Variants in DAPK2 observed in about 807,000 individuals in gnomAD.
DAPK2 encodes death-associated protein kinase 2.
In DAPK2, 35 loss-of-function variants were observed where a neutral mutation model predicts 44.1. The observed-to-expected ratio is 0.79, with a 90% CI of 0.61 to 1.05. DAPK2 has a LOEUF of 1.05. Among genes scored for constraint, DAPK2 ranks in the 50% least tolerant of loss-of-function variants. DAPK2 has a pLI of 0.00. For synonymous variants in DAPK2, 174 were observed against 182.6 expected, an observed-to-expected ratio of 0.95 and a Z score of 0.38; for missense variants, 453 against 483.2, an observed-to-expected ratio of 0.94 and a Z score of 0.59.
chr15:63,978,401 C>T (rs2078413709), intron 2 of DAPK2, among the ~76,000 whole-genome samples: 1 of 152,186 alleles, frequency 6.6e-6, no homozygotes, highest in Non-Finnish European at 1.5e-5. Flanking sequence ...TTAGCATTCC[C>T]AAAAGCCACT....
intron 1 of DAPK2, among the ~76,000 whole-genome samples, chr15:64,018,527 A>G (rs997043251): frequency 8.5e-5 from 13 of 152,154 alleles, no homozygotes; most frequent in African/African-American, 3.1e-4. Flanking sequence ...CTCCCCCATC[A>G]CATAGGCAGC....
intron 3 of DAPK2, among the ~76,000 whole-genome samples, chr15:63,944,293 T>C (rs76235910): frequency 0.026 from 3,980 of 152,206 alleles, 74 homozygotes; most frequent in African/African-American, 0.055. Flanking sequence ...GACATACCCA[T>C]AGACTCAGAC....
At chr15:64,015,850 T>C (rs2079511906) in intron 1 of DAPK2, among the ~76,000 whole-genome samples, 1 of 152,210 alleles carries the variant, frequency 6.6e-6, no homozygotes, top group African/African-American at 2.4e-5. Context: ...GAACTGATTC[T>C]GTCTCAGAGC....
upstream of DAPK2, among the ~76,000 whole-genome samples, chr15:64,045,093 C>T (rs2080429603): frequency 6.6e-6 from 1 of 152,190 alleles, no homozygotes. Context: ...CCTTGGGAAG[C>T]CTGCTTGTTC....
At chr15:63,972,242 G>C (rs1246638235) in intron 2 of DAPK2, among the ~76,000 whole-genome samples, 1 of 152,192 alleles carries the variant, frequency 6.6e-6, no homozygotes, top group Non-Finnish European at 1.5e-5. Context: ...AACTGAGAGA[G>C]GAAATTGGTA....
rs868539556 is a variant in DAPK2, at chr15:64,012,511, T to A, written c.92+27659A>T. Among the ~76,000 whole-genome samples the A allele has an allele frequency of 6.6e-5, 10 of 152,204 alleles. 1 individual carries two copies. In the South Asian group the frequency reaches 2.1e-3, roughly 32 times the overall value. ...ATGCGCATTTCAGCAACAACCTAAA[T>A]GTCTATCAAGACGGTACTGCTTAAA... is the stretch of plus-strand genomic sequence containing the variant. On this transcript the variant is annotated intron_variant, in intron 1 of 10. Coordinates refer to ENST00000261891, the Ensembl canonical transcript of DAPK2.
At chr15:63,985,806 G>A (rs2078653608) in intron 1 of DAPK2, among the ~76,000 whole-genome samples, 1 of 152,182 alleles carries the variant, frequency 6.6e-6, no homozygotes, top group African/African-American at 2.4e-5. Flanking sequence ...TTCCTCTTAT[G>A]AGGGAAACAG....
At chr15:63,974,456 G>A (rs532109528) in intron 2 of DAPK2, among the ~76,000 whole-genome samples, 1 of 152,328 alleles carries the variant, frequency 6.6e-6, no homozygotes, top group South Asian at 2.1e-4. Context: ...TGAAGGTGAG[G>A]ATAGGGGGTT....
At chr15:63,933,546 G>C (rs773877050) in intron 4 of DAPK2, among the ~76,000 whole-genome samples, 2 of 146,440 alleles carry the variant, frequency 1.4e-5, no homozygotes, top group Non-Finnish European at 3.0e-5. Flanking sequence ...CCTGGCCTAA[G>C]AATTTATTTT....
At chr15:63,956,891 A>AT (rs2077739579) in intron 3 of DAPK2, among the ~76,000 whole-genome samples, 1 of 152,082 alleles carries the variant, frequency 6.6e-6, no homozygotes, top group South Asian at 2.1e-4. Flanking sequence ...CTGGCCAAAA[A>AT]TTTTTTAAAG....
intron 3 of DAPK2, among the ~76,000 whole-genome samples, chr15:63,950,506 C>T (rs1465425174): frequency 6.6e-6 from 1 of 151,858 alleles, no homozygotes; most frequent in Non-Finnish European, 1.5e-5. Context: ...CCATGAGCCA[C>T]AGTGCCCAGC....
At chr15:63,952,431 A>C (rs1174300375) in intron 3 of DAPK2, among the ~76,000 whole-genome samples, 1 of 152,186 alleles carries the variant, frequency 6.6e-6, no homozygotes, top group African/African-American at 2.4e-5. Flanking sequence ...TGGGATGAGA[A>C]TAGCACAAAC....
At chr15:64,038,703 A>G (rs2080277154) in intron 1 of DAPK2, among the ~76,000 whole-genome samples, 1 of 152,166 alleles carries the variant, frequency 6.6e-6, no homozygotes, top group South Asian at 2.1e-4. Flanking sequence ...AAAAAAAGTA[A>G]GACAATTAGT....
chr15:63,963,297 C>T (rs967326472), intron 3 of DAPK2, among the ~76,000 whole-genome samples: 1 of 151,794 alleles, frequency 6.6e-6, no homozygotes, highest in Non-Finnish European at 1.5e-5. Flanking sequence ...CCTTGTGCTT[C>T]CCGAGTGAGG....
intron 7 of DAPK2, among the ~76,000 whole-genome samples, chr15:63,925,634 G>T: frequency 6.7e-6 from 1 of 150,256 alleles, no homozygotes; most frequent in South Asian, 2.1e-4. Flanking sequence ...GGGACAGACT[G>T]CACAAGGTAA....
intron 1 of DAPK2, among the ~76,000 whole-genome samples, chr15:64,012,741 T>C (rs1479833187): frequency 6.6e-6 from 1 of 152,196 alleles, no homozygotes; most frequent in Non-Finnish European, 1.5e-5. Context: ...TCTGGAAGGA[T>C]ATACAAGAAA....
chr15:64,037,445 T>A (rs1419906711), intron 1 of DAPK2, among the ~76,000 whole-genome samples: 1 of 152,230 alleles, frequency 6.6e-6, no homozygotes, highest in Non-Finnish European at 1.5e-5. Context: ...CATCCTTTTC[T>A]CTCATTTCTT....
chr15:64,033,595 G>A (rs1197106227), intron 1 of DAPK2, among the ~76,000 whole-genome samples: 1 of 152,132 alleles, frequency 6.6e-6, no homozygotes, highest in Non-Finnish European at 1.5e-5. Context: ...AACTTAAAAA[G>A]GTTCTGAATG....
At chr15:63,973,257 A>T (rs997810038) in intron 2 of DAPK2, among the ~76,000 whole-genome samples, 9 of 152,158 alleles carry the variant, frequency 5.9e-5, no homozygotes, top group Non-Finnish European at 2.9e-5. Context: ...TGGATTTCAC[A>T]AGATGCCTTA....
Sources: allele counts gnomAD v4.1 joint callset (sites outside exome capture counted in the v4.1 genomes callset), GRCh38; gene constraint gnomAD v4.1.1; transcripts MANE v1.5; gene names NCBI Gene and HGNC (gene_info 2026-07-23, HGNC 2026-07-21).